Variants in NCOR1 observed in about 807,000 individuals in gnomAD.
NCOR1 encodes the protein protein phosphatase 1, regulatory subunit 109.
A neutral mutation model predicts 288.1 loss-of-function variants in NCOR1; 63 were observed. That is an observed-to-expected ratio of 0.22 (90% CI 0.18 to 0.27). The LOEUF (loss-of-function observed/expected upper bound fraction) is 0.27, where lower values mean the gene tolerates loss of function less well. NCOR1 is among the 10% of genes least tolerant of loss of function. The probability of loss-of-function intolerance (pLI) is 1.00; values close to 1 mark genes in which losing one functional copy is unlikely to be tolerated. For missense variants in NCOR1, 2,397 were observed against 3,019.2 expected, an observed-to-expected ratio of 0.79 and a Z score of 4.83; for synonymous variants, 1,007 against 1,065.9, an observed-to-expected ratio of 0.94 and a Z score of 1.08.
intron 3 of NCOR1, among the ~76,000 whole-genome samples, chr17:16,182,729 G>A (rs1327622949): frequency 2.0e-5 from 3 of 152,202 alleles, no homozygotes; most frequent in Non-Finnish European, 4.4e-5. Flanking sequence ...TGGGATTACA[G>A]GTGTGAGCCA....
chr17:16,120,134 CT>C (rs1162106004), intron 16 of NCOR1, among the ~76,000 whole-genome samples: 1 of 152,130 alleles, frequency 6.6e-6, no homozygotes, highest in Admixed American at 6.6e-5. Context: ...ATTTTTGAAT[CT>C]TGCCTCCCAT....
intron 26 of NCOR1, among the ~76,000 whole-genome samples, chr17:16,079,483 T>C (rs2063058919): frequency 6.6e-6 from 1 of 152,244 alleles, no homozygotes; most frequent in Non-Finnish European, 1.5e-5. Flanking sequence ...AAATTGGTGA[T>C]GTATTTAGCC....
Position 16,077,948 on chromosome 17 carries a change from A to T in NCOR1, c.3501+2016T>A, listed in dbSNP as rs1017690319. ...TGATATGAGGGAAAAATAACTTTCAAATATCAAACTGACTACTAGGTTGTT... is the reference window on the plus strand; with the variant it reads ...TGATATGAGGGAAAAATAACTTTCATATATCAAACTGACTACTAGGTTGTT... On this transcript the variant is annotated intron_variant, in intron 26 of 45. Transcript: ENST00000268712. Among the ~76,000 whole-genome samples, 3 of 152,326 alleles carry T rather than the reference A, an allele frequency of 2.0e-5. No individual in the cohort carries two copies. In the East Asian group the frequency reaches 5.8e-4, roughly 29 times the overall value.
intron 2 of NCOR1, among the ~76,000 whole-genome samples, chr17:16,190,443 T>G (rs1416369629): frequency 6.6e-6 from 1 of 151,506 alleles, no homozygotes; most frequent in African/African-American, 2.4e-5. Context: ...CACGCCATTC[T>G]CCTGCCTCAG....
chr17:16,033,998 A>AT (rs1224433010), intron 45 of NCOR1, among the ~76,000 whole-genome samples: 2 of 152,138 alleles, frequency 1.3e-5, no homozygotes, highest in African/African-American at 4.8e-5. Flanking sequence ...GCCCAGCTAG[A>AT]TGATGGCTTT....
intron 4 of NCOR1, 101 bp from the exon 5 acceptor site, chr17:16,165,262 G>T (rs1007943648): frequency 3.4e-6 from 3 of 873,888 alleles, no homozygotes; most frequent in Non-Finnish European, 3.4e-6. Flanking sequence ...AGAGCCATGT[G>T]TACTATTTGT....
chr17:16,105,720 AAAAC>A (rs34862194), intron 19 of NCOR1, among the ~76,000 whole-genome samples: 70,845 of 150,960 alleles, frequency 0.47, 17,323 homozygotes, highest in Middle Eastern at 0.59. Context: ...AAGTCTCCAA[AAAAC>A]AAACAAACAA....
intron 20 of NCOR1, among the ~76,000 whole-genome samples, chr17:16,099,984 T>G (rs962661378): frequency 6.6e-6 from 1 of 152,140 alleles, no homozygotes; most frequent in Non-Finnish European, 1.5e-5. Flanking sequence ...GGATATGAAC[T>G]GAAAATACAG....
At chr17:16,041,523 C>A (rs912520482) in intron 42 of NCOR1, among the ~76,000 whole-genome samples, 4 of 149,380 alleles carry the variant, frequency 2.7e-5, no homozygotes, top group African/African-American at 1.0e-4. Flanking sequence ...AAGCAGTTCT[C>A]CTGCCTCAGC....
chr17:16,212,344 T>C (rs1417518315), intron 1 of NCOR1, among the ~76,000 whole-genome samples: 1 of 152,158 alleles, frequency 6.6e-6, no homozygotes, highest in East Asian at 1.9e-4. Flanking sequence ...CTCGACTATA[T>C]TTTATAACTT....
chr17:16,058,541 G>T lies in NCOR1; in HGVS notation c.5940C>A (p.Ser1980Arg). Residue 1980 changes from serine (S) to arginine (R), a missense_variant, in exon 38 of 46, where the codon AGC becomes AGA. Around this residue, in one of 11 missense-constraint regions of NCOR1, gnomAD observed 1,872 missense variants for 2,187.8 expected, o/e 0.86. Coordinates refer to ENST00000268712, the MANE Select transcript of NCOR1 (RefSeq NM_006311.4). ...GTTTCTCCTGGGGTGGCGCAGGTGA[G>T]CTGGCAGGACTTATCACCTCAATAG... ...SDAIEVISPA[S>R]SPAPPQEKLQ... 6.2e-7 allele frequency: 1 copy of T among 1,614,050 alleles called. No individual in the cohort carries two copies. The highest frequency in any genetic ancestry group is 1.1e-5 in the South Asian group (1 of 91,078).
Position 16,071,442 on chromosome 17 carries a change from G to C in NCOR1, c.4119C>G (p.Ser1373Arg). 6.2e-7 allele frequency: 1 copy of C among 1,614,128 alleles called. No homozygotes were observed. Among genetic ancestry groups the C allele is most frequent in the Non-Finnish European group, 8.5e-7 (1 of 1,180,010 alleles). The change falls in exon 30 of 46, where the codon AGC becomes AGG. Residue 1373 changes from serine to arginine, a missense_variant. By Grantham distance (110) the Ser-to-Arg change is moderately radical. Coordinates refer to ENST00000268712, the MANE Select transcript of NCOR1 (RefSeq NM_006311.4). ...ESRKTPEVVQ[S>R]TRPIIEGSIS... Reference sequence around the variant, plus strand: ...TGGAACCCTCAATTATCGGCCGTGTGCTCTGGACCACTTCTGGAGTTTTCC... The same window carrying C: ...TGGAACCCTCAATTATCGGCCGTGTCCTCTGGACCACTTCTGGAGTTTTCC...
chr17:16,149,996 T>C (rs1022621939), intron 8 of NCOR1, among the ~76,000 whole-genome samples: 3 of 152,102 alleles, frequency 2.0e-5, no homozygotes, highest in African/African-American at 7.2e-5. Flanking sequence ...TTTTCTTCAG[T>C]CACAGAATGA....
chr17:16,183,268 A>C (rs745858929), intron 3 of NCOR1, among the ~76,000 whole-genome samples: 2 of 151,202 alleles, frequency 1.3e-5, no homozygotes, highest in Admixed American at 1.3e-4. Flanking sequence ...AAGAAAAGAA[A>C]TAAAAGGCAT....
rs553537344 is a variant in NCOR1, at chr17:16,132,180, T to C, written c.1509+5131A>G. Among the ~76,000 whole-genome samples, 81 of 152,088 alleles carry C rather than the reference T, an allele frequency of 5.3e-4. 1 individual carries two copies. The highest frequency in any genetic ancestry group is 1.9e-3 in the African/African-American group (77 of 41,502). ...AAACACACTGGCATAAAGGGGAAAATGGTGTTAGCATAAAAGAAGGGCATG... is the reference window on the plus strand; with the variant it reads ...AAACACACTGGCATAAAGGGGAAAACGGTGTTAGCATAAAAGAAGGGCATG... On this transcript the variant is annotated intron_variant, in intron 14 of 45. Coordinates refer to ENST00000268712, the MANE Select transcript of NCOR1 (RefSeq NM_006311.4).
At chr17:16,079,038 C>T (rs1399138605) in intron 26 of NCOR1, among the ~76,000 whole-genome samples, 1 of 152,106 alleles carries the variant, frequency 6.6e-6, no homozygotes, top group African/African-American at 2.4e-5. Context: ...ACTGACATTT[C>T]TGCATTATTC....
chr17:16,114,160 A>AAAAAAAAAAC lies in NCOR1; in HGVS notation c.2055+3718_2055+3727dup, dbSNP rs1555667912. The stretch of plus-strand genomic sequence containing the variant: ...GCGGCAGGCAAAAAAAAAAAAAAAA[A>AAAAAAAAAAC]AAAAAAAAACTTGTGCAGGGGAACT... On this transcript the variant is annotated intron_variant, in intron 18 of 45. Coordinates refer to ENST00000268712, the MANE Select transcript of NCOR1 (RefSeq NM_006311.4). Among the ~76,000 whole-genome samples the AAAAAAAAAAC allele has an allele frequency of 1.5e-4, 16 of 106,894 alleles. 3 individuals carry two copies. Among genetic ancestry groups the AAAAAAAAAAC allele is most frequent in the East Asian group, 2.3e-4 (1 of 4,344 alleles). The allele number at this position is 106,894 out of a possible 152,430, so 70.1% of individuals were successfully genotyped here. A position where few individuals can be genotyped will look rare whatever the true frequency, so the allele number is the denominator to read the frequency against.
chr17:16,079,248 G>A (rs541492118), intron 26 of NCOR1, among the ~76,000 whole-genome samples: 1 of 152,166 alleles, frequency 6.6e-6, no homozygotes, highest in Non-Finnish European at 1.5e-5. Flanking sequence ...TGCTCCTGGT[G>A]TGGGGATCAT....
intron 14 of NCOR1, among the ~76,000 whole-genome samples, chr17:16,126,985 A>G (rs11655773): frequency 0.45 from 68,856 of 151,854 alleles, 16,644 homozygotes; most frequent in Middle Eastern, 0.59. Context: ...TGATATTTGA[A>G]AAAAGACCAC....
Sources: gnomAD v4.1 joint callset for allele counts (sites outside exome capture counted in the v4.1 genomes callset) on GRCh38, gnomAD v4.1.1 for gene constraint, gnomAD v4.1.1 regional missense constraint, MANE v1.5 for transcripts, NCBI Gene and HGNC (gene_info 2026-07-23, HGNC 2026-07-21) for gene names.